Variants in SNX29 observed in about 807,000 individuals in gnomAD.
The protein encoded by SNX29 is sorting nexin 29.
In SNX29, 78 loss-of-function variants were observed where a neutral mutation model predicts 102.1. That is an observed-to-expected ratio of 0.76 (90% confidence interval 0.64 to 0.92). The LOEUF is 0.92. Ranked by LOEUF, SNX29 falls within the 40% of genes least tolerant of loss-of-function variation. The pLI, the probability that SNX29 is intolerant of heterozygous loss-of-function variation, is 0.00. For synonymous variants in SNX29, 580 were observed against 414.5 expected, an observed-to-expected ratio of 1.40 and a Z score of -4.85; for missense variants, 1,280 against 1,061.7, an observed-to-expected ratio of 1.21 and a Z score of -2.86.
At chr16:12,456,116 C>G (rs1430916628) in intron 18 of SNX29, among the ~76,000 whole-genome samples, 1 of 152,156 alleles carries the variant, frequency 6.6e-6, no homozygotes, top group East Asian at 1.9e-4. Context: ...TTTCCAGGCA[C>G]TGGTCTGGGT....
intron 11 of SNX29, among the ~76,000 whole-genome samples, chr16:12,120,225 T>C (rs1209037600): frequency 6.6e-6 from 1 of 152,200 alleles, no homozygotes; most frequent in Non-Finnish European, 1.5e-5. Context: ...AATGATGATG[T>C]AGGTTAAGTC....
At chr16:12,550,663 C>G (rs1444364132) in intron 20 of SNX29, among the ~76,000 whole-genome samples, 4 of 152,018 alleles carry the variant, frequency 2.6e-5, no homozygotes, top group African/African-American at 9.7e-5. Flanking sequence ...AGTGGAGGAC[C>G]AAGGTGGGAA....
At chr16:12,403,340 C>A in intron 17 of SNX29, 108 bp from the exon 18 acceptor site, 3 of 1,005,282 alleles carry the variant, frequency 3.0e-6, no homozygotes, top group East Asian at 3.2e-5. Context: ...ATTGCTTGTG[C>A]ATAATACCTC....
chr16:12,322,968 G>T (rs1207776808), intron 15 of SNX29, among the ~76,000 whole-genome samples: 12 of 103,676 alleles, frequency 1.2e-4, no homozygotes, highest in African/African-American at 5.4e-4. Context: ...GGGGACCACT[G>T]TCAGGATGCG....
At chr16:12,493,570 A>G (rs1009144504) in intron 19 of SNX29, among the ~76,000 whole-genome samples, 7 of 152,072 alleles carry the variant, frequency 4.6e-5, no homozygotes, top group African/African-American at 1.7e-4. Context: ...TTCCAACACT[A>G]TGTTGAATAG....
At chr16:12,051,082 A>G (rs1248561542) in intron 7 of SNX29, among the ~76,000 whole-genome samples, 1 of 152,108 alleles carries the variant, frequency 6.6e-6, no homozygotes, top group Non-Finnish European at 1.5e-5. Context: ...AATCCCAGCA[A>G]TTTAGGAGGC....
chr16:12,501,502 A>C (rs1241819555), intron 19 of SNX29, among the ~76,000 whole-genome samples: 2 of 152,070 alleles, frequency 1.3e-5, no homozygotes, highest in Non-Finnish European at 2.9e-5. Flanking sequence ...TGAGTGGATC[A>C]CCTGAGGTCA....
At chr16:12,070,333 C>T (rs2051238210) in intron 10 of SNX29, among the ~76,000 whole-genome samples, 1 of 121,966 alleles carries the variant, frequency 8.2e-6, no homozygotes, top group Non-Finnish European at 1.7e-5. Flanking sequence ...CCCCCTCCCC[C>T]CACCCCACAA....
At chr16:12,390,011 C>T (rs973553977) in intron 16 of SNX29, among the ~76,000 whole-genome samples, 5 of 152,116 alleles carry the variant, frequency 3.3e-5, no homozygotes, top group African/African-American at 9.7e-5. Context: ...AAGAATAGTT[C>T]TATATTGGTA....
chr16:12,568,992 C>T lies in SNX29; in HGVS notation c.*363C>T, dbSNP rs1204857489. 3.2e-5 allele frequency: 10 copies of T among 315,384 alleles called. No homozygotes were observed. In the South Asian group the frequency reaches 6.8e-4, roughly 21 times the overall value. 19.5% of individuals were successfully genotyped at this position (315,384 alleles called of 1,614,324 possible). On this transcript the variant is annotated 3_prime_UTR_variant, in exon 21 of 21. Transcript: ENST00000566228. ...CCATGGTTGAGAGGCAAAGGTGATC[C>T]CCTATATAGGAAGGTTCATGCAGAG...
intron 4 of SNX29, among the ~76,000 whole-genome samples, chr16:12,041,516 A>C (rs942077045): frequency 4.6e-5 from 7 of 152,224 alleles, no homozygotes; most frequent in African/African-American, 1.7e-4. Flanking sequence ...AGAAGTCCCC[A>C]ATCAGTTTCA....
Position 12,267,853 on chromosome 16 carries a change from G to C in SNX29, c.1679-10080G>C, listed in dbSNP as rs75458111. Among the ~76,000 whole-genome samples the C allele has an allele frequency of 5.2e-3, 788 of 152,162 alleles. 7 individuals carry two copies. The highest frequency in any genetic ancestry group is 0.017 in the African/African-American group (719 of 41,462). ...CGCACTTCTTCTGAATCCTCCAGGG[G>C]CTGCTTGTTTTGCTCAGAATAAAAT... On this transcript the variant is annotated intron_variant, in intron 14 of 20. Transcript: ENST00000566228.
intron 20 of SNX29, among the ~76,000 whole-genome samples, chr16:12,563,526 T>C (rs2078849148): frequency 6.6e-6 from 1 of 152,074 alleles, no homozygotes; most frequent in South Asian, 2.1e-4. Flanking sequence ...ATGTGAAAAA[T>C]TGAGTTGTCT....
At chr16:12,429,059 C>G (rs1219001792) in intron 18 of SNX29, among the ~76,000 whole-genome samples, 1 of 151,736 alleles carries the variant, frequency 6.6e-6, no homozygotes, top group Non-Finnish European at 1.5e-5. Context: ...CACACAGATA[C>G]GATTGCAACT....
chr16:11,996,636 C>T (rs896866329), intron 1 of SNX29, among the ~76,000 whole-genome samples: 1 of 152,140 alleles, frequency 6.6e-6, no homozygotes, highest in African/African-American at 2.4e-5. Flanking sequence ...GTTGGCATTG[C>T]TCAAGGGCAG....
At chr16:12,076,288 C>G (rs2051564284) in intron 10 of SNX29, among the ~76,000 whole-genome samples, 2 of 151,198 alleles carry the variant, frequency 1.3e-5, no homozygotes. Flanking sequence ...CCTATTCGGC[C>G]ATCTTGGCTC....
At chr16:12,019,581 AATATATAT>A (rs199652904) in intron 3 of SNX29, among the ~76,000 whole-genome samples, 16 of 147,670 alleles carry the variant, frequency 1.1e-4, no homozygotes, top group Non-Finnish European at 1.8e-4. Flanking sequence ...TATATATGTA[AATATATAT>A]ATATAGATAG....
chr16:12,305,960 G>GT (rs2080324682), intron 15 of SNX29, among the ~76,000 whole-genome samples: 1 of 152,076 alleles, frequency 6.6e-6, no homozygotes, highest in African/African-American at 2.4e-5. Context: ...TTGAATGTCT[G>GT]TTTAATTCAT....
At chr16:12,207,595 CAT>C (rs1429775779) in intron 14 of SNX29, among the ~76,000 whole-genome samples, 10 of 152,158 alleles carry the variant, frequency 6.6e-5, no homozygotes, top group Admixed American at 6.5e-4. Flanking sequence ...ACGTTTGTCT[CAT>C]GTGCCCCCAT....
Sources: allele counts gnomAD v4.1 joint callset (sites outside exome capture counted in the v4.1 genomes callset), GRCh38; gene constraint gnomAD v4.1.1; transcripts MANE v1.5; gene names NCBI Gene and HGNC (gene_info 2026-07-23, HGNC 2026-07-21).